Variants in TPO observed in about 807,000 individuals in gnomAD.
The protein encoded by TPO is thyroid microsomal antigen.
TPO carries 78 observed loss-of-function variants against 96.9 expected under a neutral mutation model. The observed-to-expected ratio is 0.81, with a 90% CI of 0.67 to 0.97. The LOEUF is 0.97. Among genes scored for constraint, TPO ranks in the 50% least tolerant of loss-of-function variants. The pLI is 0.00. For missense variants in TPO, 1,252 were observed against 1,274.8 expected (o/e 0.98, Z 0.27); for synonymous variants, 547 against 538.0 (o/e 1.02, Z -0.23).
intron 14 of TPO, among the ~76,000 whole-genome samples, chr2:1,510,022 A>G (rs1021964160): frequency 1.3e-5 from 2 of 152,068 alleles, no homozygotes; most frequent in African/African-American, 4.8e-5. Context: ...CTCTCTGCAC[A>G]GCATTTCCCC....
At chr2:1,537,499 C>A (rs1258384584) in intron 15 of TPO, among the ~76,000 whole-genome samples, 20 of 46,104 alleles carry the variant, frequency 4.3e-4, no homozygotes, top group Admixed American at 1.3e-3. Context: ...GCAGCCTCCC[C>A]AAATCCCCCC....
intron 15 of TPO, among the ~76,000 whole-genome samples, chr2:1,518,131 C>G (rs1165718184): frequency 6.6e-6 from 1 of 152,218 alleles, no homozygotes; most frequent in African/African-American, 2.4e-5. Flanking sequence ...TACCACATAT[C>G]TATGGATTAT....
intron 11 of TPO, among the ~76,000 whole-genome samples, chr2:1,494,429 A>G (rs1672124732): frequency 6.6e-6 from 1 of 152,256 alleles, no homozygotes; most frequent in African/African-American, 2.4e-5. Context: ...GACACAGGCC[A>G]TGCCCGGTGC....
intron 15 of TPO, among the ~76,000 whole-genome samples, chr2:1,534,613 C>A (rs1007637464): frequency 6.6e-6 from 1 of 151,092 alleles, no homozygotes; most frequent in Admixed American, 6.6e-5. Context: ...AATCGCGCCA[C>A]TGTGTGCAAC....
chr2:1,426,521 G>A (rs1048413432), intron 3 of TPO, among the ~76,000 whole-genome samples: 29 of 151,328 alleles, frequency 1.9e-4, no homozygotes, highest in Admixed American at 1.9e-3. Flanking sequence ...TGCTCCTTCT[G>A]TAAAGTCATT....
intron 1 of TPO, among the ~76,000 whole-genome samples, chr2:1,403,708 G>A (rs935840703): frequency 6.6e-6 from 1 of 152,198 alleles, no homozygotes; most frequent in Non-Finnish European, 1.5e-5. Context: ...TGACAGTCCC[G>A]AGAGCGGCTC....
At chr2:1,537,501 AATC>A in intron 15 of TPO, among the ~76,000 whole-genome samples, 1 of 38,438 alleles carries the variant, frequency 2.6e-5, no homozygotes, top group Non-Finnish European at 4.8e-5. Flanking sequence ...AGCCTCCCCA[AATC>A]CCCCCAACTC....
At chr2:1,487,790 C>T (rs1221002411) in intron 9 of TPO, 31 bp from the exon 10 acceptor site, 3 of 1,614,082 alleles carry the variant, frequency 1.9e-6, no homozygotes, top group East Asian at 4.5e-5. Context: ...GAGCCAAGAG[C>T]TGTCCTTGCC....
chr2:1,489,819 TA>T (rs1671546608), intron 10 of TPO, among the ~76,000 whole-genome samples: 1 of 152,206 alleles, frequency 6.6e-6, no homozygotes, highest in African/African-American at 2.4e-5. Flanking sequence ...ATGAATCTCT[TA>T]ATTAACCTGT....
Position 1,520,325 on chromosome 2 carries a change from A to G in TPO, c.2618+3343A>G, listed in dbSNP as rs186959034. 4.3e-4 allele frequency among the ~76,000 whole-genome samples: 65 copies of G among 152,134 alleles called. No individual in the cohort carries two copies. The East Asian group carries it at 9.5e-3, about 22-fold the overall frequency. On this transcript the variant is annotated intron_variant, in intron 15 of 16. Coordinates refer to ENST00000329066, the MANE Select transcript of TPO (RefSeq NM_001206744.2). The stretch of plus-strand genomic sequence containing the variant: ...CTTTTAAAAACATGATCTTATTTCC[A>G]CCTTAGGGCATTATTGTGCGGTGAG...
intron 5 of TPO, among the ~76,000 whole-genome samples, chr2:1,443,427 G>C (rs1330240606): frequency 1.9e-4 from 28 of 149,196 alleles, no homozygotes; most frequent in Non-Finnish European, 5.9e-5. Context: ...GTGTTGGAAG[G>C]GAATGGGCAG....
intron 9 of TPO, among the ~76,000 whole-genome samples, chr2:1,485,402 G>A (rs28913269): frequency 0.014 from 2,180 of 151,996 alleles, 51 homozygotes; most frequent in African/African-American, 0.05. Flanking sequence ...ATGATTTATA[G>A]TCCCTTGGGT....
At chr2:1,508,401 A>G (rs60572318) in intron 14 of TPO, among the ~76,000 whole-genome samples, 2 of 152,066 alleles carry the variant, frequency 1.3e-5, no homozygotes, top group Admixed American at 1.3e-4. Context: ...TGGCCTCATA[A>G]AATGAGTTAG....
At chr2:1,432,614 A>G (rs543699367) in intron 3 of TPO, among the ~76,000 whole-genome samples, 10 of 87,922 alleles carry the variant, frequency 1.1e-4, no homozygotes, top group African/African-American at 3.1e-4. Context: ...CCTGCAGGTG[A>G]GGGGAGGCCT....
chr2:1,481,522 G>T (rs1670639040), intron 8 of TPO, among the ~76,000 whole-genome samples: 1 of 152,174 alleles, frequency 6.6e-6, no homozygotes, highest in South Asian at 2.1e-4. Context: ...TGTGTGTGGA[G>T]GTAGAACCAG....
At position 1,493,685 on chromosome 2, in the gene TPO, G is replaced by A. The variant is rs186027238; in HGVS notation, c.1769-117G>A. 7.4e-6 allele frequency: 9 copies of A among 1,216,552 alleles called. No individual in the cohort carries two copies. The East Asian group carries it at 1.9e-4, about 26-fold the overall frequency. 75.4% of individuals were successfully genotyped at this position (1,216,552 alleles called of 1,614,324 possible). A position where few individuals can be genotyped will look rare whatever the true frequency, so the allele number is the denominator to read the frequency against. On this transcript the variant is annotated intron_variant, in intron 10 of 16. Transcript: ENST00000329066. ...GCAAACTGCCAGGCAGTGTCACAGG[G>A]TGGGACAGGACTCTGCCCTGCTGCG...
At chr2:1,480,970 C>G (rs1026397632) in intron 8 of TPO, among the ~76,000 whole-genome samples, 6 of 152,056 alleles carry the variant, frequency 3.9e-5, no homozygotes, top group East Asian at 3.9e-4. Context: ...GGCCACAGGA[C>G]TTCTGCTGTG....
intron 1 of TPO, among the ~76,000 whole-genome samples, chr2:1,378,127 TC>T (rs1661751209): frequency 6.6e-6 from 1 of 152,190 alleles, no homozygotes; most frequent in Admixed American, 6.5e-5. Context: ...GATTGTGAGG[TC>T]TCCCCTGCCA....
At chr2:1,415,704 C>A (rs1301106810) in intron 2 of TPO, among the ~76,000 whole-genome samples, 1 of 152,186 alleles carries the variant, frequency 6.6e-6, no homozygotes, top group Non-Finnish European at 1.5e-5. Context: ...AGTCTTGGGG[C>A]CATGGCACAG....
Sources: allele counts gnomAD v4.1 joint callset (sites outside exome capture counted in the v4.1 genomes callset), GRCh38; gene constraint gnomAD v4.1.1; transcripts MANE v1.5; gene names NCBI Gene and HGNC (gene_info 2026-07-23, HGNC 2026-07-21).